Variants in GLS2 observed in about 807,000 individuals in gnomAD.
The protein encoded by GLS2 is glutaminase liver isoform, mitochondrial.
A neutral mutation model predicts 79.0 loss-of-function variants in GLS2; 52 were observed. The observed-to-expected ratio is 0.66, with a 90% confidence interval of 0.53 to 0.83. The LOEUF (loss-of-function observed/expected upper bound fraction) is 0.83. Among genes scored for constraint, GLS2 ranks in the 40% least tolerant of loss-of-function variants. GLS2 has a pLI of 0.00. For missense variants in GLS2, 561 were observed against 764.8 expected, an observed-to-expected ratio of 0.73 and a Z score of 3.14; for synonymous variants, 238 against 280.8, an observed-to-expected ratio of 0.85 and a Z score of 1.52.
Position 56,480,194 on chromosome 12 carries a change from C to T in GLS2, c.282+94G>A, listed in dbSNP as rs780807709. The T allele has an allele frequency of 4.7e-6, 5 of 1,069,556 alleles. No individual in the cohort carries two copies. The Admixed American group carries it at 9.9e-5, about 21-fold the overall frequency. 66.3% of individuals were successfully genotyped at this position (1,069,556 alleles called of 1,614,324 possible). On this transcript the variant is annotated intron_variant, in intron 2 of 17. Coordinates refer to ENST00000311966, the MANE Select transcript of GLS2 (RefSeq NM_013267.4). The stretch of plus-strand genomic sequence containing the variant: ...TGTATGCTTCACCCTCATGTAGCAA[C>T]CCATTAGCTGCCCTGCACTTGTCAT...
At chr12:56,475,887 G>C in intron 8 of GLS2, 58 bp downstream of exon 8, 1 of 1,586,420 alleles carries the variant, frequency 6.3e-7, no homozygotes, top group Non-Finnish European at 8.7e-7. Context: ...GGGGCAGCTG[G>C]AGAGGACAGC....
intron 8 of GLS2, 82 bp downstream of exon 8, chr12:56,475,863 G>A: frequency 2.7e-6 from 4 of 1,504,192 alleles, no homozygotes; most frequent in African/African-American, 1.4e-5. Flanking sequence ...TGGTAGTGGG[G>A]TTAGAGAGCC....
chr12:56,478,896 A>G (rs1870056069), intron 4 of GLS2, 156 bp downstream of exon 4: 1 of 866,984 alleles, frequency 1.2e-6, no homozygotes, highest in South Asian at 1.8e-5. Context: ...AGACAGGAGA[A>G]TCGCTTGAAC....
intron 16 of GLS2, 104 bp from the exon 17 acceptor site, chr12:56,471,940 CTCTTCCCATTT>C (rs1869312900): frequency 7.3e-7 from 1 of 1,360,800 alleles, no homozygotes; most frequent in African/African-American, 1.4e-5. Context: ...GGGAAAAGGC[CTCTTCCCATTT>C]TGTACCCTGC....
intron 12 of GLS2, chr12:56,474,096 T>C (rs940135143): frequency 1.1e-4 from 11 of 101,502 alleles, no homozygotes; most frequent in Non-Finnish European, 8.6e-5. Context: ...CTTTTTCTTT[T>C]TTTCTTTTTT....
chr12:56,482,767 TG>T (rs1356422626), intron 1 of GLS2, among the ~76,000 whole-genome samples: 1 of 152,226 alleles, frequency 6.6e-6, no homozygotes, highest in Non-Finnish European at 1.5e-5. Flanking sequence ...GAAGAGTTAT[TG>T]TTTTTTTAAG....
At chr12:56,478,926 G>A in intron 4 of GLS2, 126 bp downstream of exon 4, 8 of 1,230,010 alleles carry the variant, frequency 6.5e-6, no homozygotes, top group Non-Finnish European at 8.9e-6. Flanking sequence ...GGAGGTTGCA[G>A]TGAGCTGAGA....
chr12:56,475,523 TTCC>T (rs1304549849), intron 9 of GLS2, 98 bp downstream of exon 9: 11 of 1,250,084 alleles, frequency 8.8e-6, no homozygotes, highest in African/African-American at 1.5e-5. Flanking sequence ...CTGGGATTTC[TTCC>T]TCCTAAGATT....
At chr12:56,474,381 G>A (rs1869600583) in intron 12 of GLS2, 163 bp downstream of exon 12, 4 of 787,350 alleles carry the variant, frequency 5.1e-6, no homozygotes, top group Non-Finnish European at 8.0e-6. Context: ...GAGGAACTTG[G>A]TGTTTTTGAG....
At chr12:56,475,016 A>G (rs1400318670) in intron 10 of GLS2, 28 bp downstream of exon 10, 1 of 1,613,958 alleles carries the variant, frequency 6.2e-7, no homozygotes, top group South Asian at 1.1e-5. Flanking sequence ...ATTCCCAGGG[A>G]CTTTCTCTTC....
chr12:56,486,644 C>T (rs187654638), intron 1 of GLS2, among the ~76,000 whole-genome samples: 1 of 152,140 alleles, frequency 6.6e-6, no homozygotes, highest in Admixed American at 6.5e-5. Context: ...AGTTCAAGAC[C>T]AGCAGGGCCA....
chr12:56,471,878 T>C, intron 16 of GLS2, 42 bp from the exon 17 acceptor site: 1 of 1,596,606 alleles, frequency 6.3e-7, no homozygotes. Flanking sequence ...GCGCAGGTCT[T>C]GAACCCTTTG....
chr12:56,472,973 T>C (rs533163004), intron 14 of GLS2: 21 of 548,772 alleles, frequency 3.8e-5, no homozygotes, highest in Non-Finnish European at 6.4e-5. Flanking sequence ...CACTGCAACC[T>C]CTGCCTCCCG....
intron 4 of GLS2, chr12:56,478,544 T>C (rs950761983): frequency 3.0e-5 from 13 of 433,830 alleles, no homozygotes; most frequent in South Asian, 2.7e-4. Flanking sequence ...TAGGCTCAGT[T>C]ACCCTATAAA....
At chr12:56,479,016 G>C in intron 4 of GLS2, 36 bp downstream of exon 4, 1 of 1,572,144 alleles carries the variant, frequency 6.4e-7, no homozygotes, top group Non-Finnish European at 8.6e-7. Context: ...ATCTGGCCCA[G>C]GTCCCTGACC....
intron 14 of GLS2, 189 bp downstream of exon 14, chr12:56,473,039 G>A (rs1869448688): frequency 4.9e-6 from 3 of 613,774 alleles, no homozygotes; most frequent in Non-Finnish European, 8.4e-6. Context: ...ACAGGCGCGT[G>A]CCACCACGTC....
intron 12 of GLS2, chr12:56,473,989 GTCTT>G (rs909803426): frequency 2.3e-5 from 4 of 177,682 alleles, no homozygotes; most frequent in African/African-American, 9.5e-5. Flanking sequence ...GGTCAGAAAA[GTCTT>G]TCTTTGGAAA....
At chr12:56,478,849 C>T (rs558161417) in intron 4 of GLS2, 141 of 553,098 alleles carry the variant, frequency 2.5e-4, no homozygotes, top group African/African-American at 1.9e-3. Flanking sequence ...AAAAATTAGT[C>T]GGGCATGGTG....
At chr12:56,475,195 G>A in intron 9 of GLS2, 85 bp from the exon 10 acceptor site, 2 of 1,605,534 alleles carry the variant, frequency 1.2e-6, no homozygotes, top group Non-Finnish European at 1.7e-6. Flanking sequence ...TGGAGAGACA[G>A]AACTACATCA....
Sources: gnomAD v4.1 joint callset for allele counts (sites outside exome capture counted in the v4.1 genomes callset) on GRCh38, gnomAD v4.1.1 for gene constraint, MANE v1.5 for transcripts, NCBI Gene and HGNC (gene_info 2026-07-23, HGNC 2026-07-21) for gene names.